Variants in ZSCAN29 observed in about 807,000 individuals in gnomAD.
The protein encoded by ZSCAN29 is zinc finger and SCAN domain containing 29.
Under a neutral mutation model 71.9 loss-of-function variants are expected in ZSCAN29, and 55 were observed. The ratio of observed to expected loss-of-function variants is 0.76; its 90% confidence interval spans 0.62 to 0.96. ZSCAN29 has a LOEUF of 0.96. ZSCAN29 is among the 40% of genes least tolerant of loss of function. The pLI, the probability that ZSCAN29 is intolerant of heterozygous loss-of-function variation, is 0.00. For missense variants in ZSCAN29, 1,042 were observed against 1,042.2 expected, an observed-to-expected ratio of 1.00 and a Z score of 0.00; for synonymous variants, 351 against 371.6, an observed-to-expected ratio of 0.94 and a Z score of 0.64.
At position 43,361,585 on chromosome 15, in the gene ZSCAN29, A is replaced by T. The variant is rs571452426; in HGVS notation, c.2047T>A (p.Cys683Ser). 10 of 1,614,182 alleles carry T rather than the reference A, an allele frequency of 6.2e-6. No homozygotes were observed. In the South Asian group the frequency reaches 1.1e-4, roughly 18 times the overall value. ...QVENPYKCAD[C>S]GKSFSRSARL... ...GCACTCCGACTGAAGCTTTTCCCAC[A>T]ATCAGCACATTTATATGGATTTTCC... Residue 683 changes from cysteine to serine, a missense_variant, in exon 6 of 6, where the codon TGT becomes AGT. Transcript: ENST00000684362.
In ZSCAN29 at chr15:43,369,144, T is replaced by C; in HGVS notation, c.319-17A>G. On this transcript the variant is annotated splice_polypyrimidine_tract_variant and intron_variant, in intron 2 of 5. Transcript: ENST00000684362. ...GACTGTGACCTAGAAACAACCCCCG[T>C]TAATTGTCACTGCAAGATCATAATG... 2 of 1,535,416 alleles carry C rather than the reference T, an allele frequency of 1.3e-6. No homozygotes were observed. Among genetic ancestry groups the C allele is most frequent in the Non-Finnish European group, 1.8e-6 (2 of 1,138,090 alleles).
In ZSCAN29 at chr15:43,361,291, G is replaced by T; in HGVS notation, c.2341C>A (p.Arg781=). The change falls in exon 6 of 6, where the codon CGG becomes AGG. Residue 781 remains arginine, a synonymous_variant. Transcript: ENST00000684362. The part of the protein sequence containing the change: ...FNNSSHFSAH[R]RIHTGERPHV... The stretch of plus-strand genomic sequence containing the variant: ...GGTCTCTCTCCTGTGTGTATCCTCC[G>T]ATGTGCACTAAAATGAGAACTGTTA... 2.5e-6 allele frequency: 4 copies of T among 1,614,012 alleles called. No homozygotes were observed. The highest frequency in any genetic ancestry group is 2.5e-6 in the Non-Finnish European group (3 of 1,179,998).
chr15:43,363,917 C>T lies in ZSCAN29; in HGVS notation c.1688G>A (p.Arg563His), dbSNP rs755923103. 8 of 1,587,538 alleles carry T rather than the reference C, an allele frequency of 5.0e-6. No individual in the cohort carries two copies. The highest frequency in any genetic ancestry group is 2.3e-5 in the East Asian group (1 of 44,414). ...TRAPVLFQSP[R>H]GFEAGFENED... ...CCATAATAGTGAAATAATCTTACCA[C>T]GGGGGCTTTGGAATAACACTGGAGC... The change falls in exon 5 of 6, where the codon CGT becomes CAT. Residue 563 changes from arginine (R) to histidine (H), a missense_variant and splice_region_variant. By Grantham distance (29) the Arg-to-His change is conservative. Coordinates refer to ENST00000684362, the MANE Select transcript of ZSCAN29 (RefSeq NM_001372080.1).
chr15:43,369,331 G>C (rs2044072483), intron 2 of ZSCAN29: 2 of 596,694 alleles, frequency 3.4e-6, no homozygotes, highest in Non-Finnish European at 5.5e-6. Flanking sequence ...GATCAAAATA[G>C]TAAACCCACC....
rs201902651 is a variant in ZSCAN29 at position 43,364,081 on chromosome 15, C to G, written c.1524G>C (p.Glu508Asp). 20 of 1,614,192 alleles carry G rather than the reference C, an allele frequency of 1.2e-5. No individual in the cohort carries two copies. The highest frequency in any genetic ancestry group is 1.7e-5 in the Non-Finnish European group (20 of 1,180,048). The change falls in exon 5 of 6, where the codon GAG becomes GAC. Residue 508 changes from glutamate to aspartate, a missense_variant. Coordinates refer to ENST00000684362, the MANE Select transcript of ZSCAN29 (RefSeq NM_001372080.1). Reference sequence around the variant, plus strand: ...TCCCCTGGACGGGGCAAGAAGCAGTCTCTTCCTGGCCATCATTGGGTGGGG... The same window carrying G: ...TCCCCTGGACGGGGCAAGAAGCAGTGTCTTCCTGGCCATCATTGGGTGGGG... Reference protein sequence around the residue: ...VAAPPNDGQEETASCPVQGTS... With the variant: ...VAAPPNDGQEDTASCPVQGTS...
intron 5 of ZSCAN29, 89 bp from the exon 6 acceptor site, chr15:43,362,030 C>T: frequency 7.4e-7 from 1 of 1,356,310 alleles, no homozygotes; most frequent in Non-Finnish European, 9.9e-7. Flanking sequence ...AAGCATTACA[C>T]CACATGATTA....
intron 4 of ZSCAN29, among the ~76,000 whole-genome samples, 174 bp downstream of exon 4, chr15:43,365,936 T>A (rs2044031482): frequency 6.6e-6 from 1 of 152,202 alleles, no homozygotes; most frequent in Non-Finnish European, 1.5e-5. Flanking sequence ...GTATTCCCAA[T>A]TATCTCACTG....
chr15:43,370,004 T>G lies in ZSCAN29; in HGVS notation c.-91A>C, dbSNP rs921372119. On this transcript the variant is annotated 5_prime_UTR_variant, in exon 2 of 6. Coordinates refer to ENST00000684362, the MANE Select transcript of ZSCAN29 (RefSeq NM_001372080.1). ...ATGTCCTTGGAGAATCCCCTGCAGA[T>G]GACTGTAAGAGGTGTTTCTTCCTAG... 30 of 1,307,446 alleles carry G rather than the reference T, an allele frequency of 2.3e-5. No homozygotes were observed. The highest frequency in any genetic ancestry group is 2.9e-5 in the African/African-American group (2 of 68,034). 81.0% of individuals were successfully genotyped at this position (1,307,446 alleles called of 1,614,324 possible).
chr15:43,368,525 C>CAAAA (rs759913932), intron 3 of ZSCAN29, among the ~76,000 whole-genome samples: 234 of 10,288 alleles, frequency 0.023, 7 homozygotes, highest in Admixed American at 0.029. Context: ...GACTCCGTCT[C>CAAAA]AAAAAAAAAA....
intron 1 of ZSCAN29, 56 bp from the exon 2 acceptor site, chr15:43,370,081 T>C: frequency 9.7e-6 from 7 of 720,868 alleles, no homozygotes; most frequent in South Asian, 2.1e-5. Context: ...GTCTAAAGTC[T>C]TGCCAGAGCT....
chr15:43,361,590 G>A lies in ZSCAN29; in HGVS notation c.2042C>T (p.Ala681Val). 2 of 1,614,204 alleles carry A rather than the reference G, an allele frequency of 1.2e-6. No homozygotes were observed. Among genetic ancestry groups the A allele is most frequent in the Non-Finnish European group, 1.7e-6 (2 of 1,180,034 alleles). ...SHQVENPYKC[A>V]DCGKSFSRSA... ...CCGACTGAAGCTTTTCCCACAATCA[G>A]CACATTTATATGGATTTTCCACCTG... is the stretch of plus-strand genomic sequence containing the variant. Residue 681 changes from alanine (A) to valine (V), a missense_variant, in exon 6 of 6, where the codon GCT (alanine) becomes GTT (valine). Physicochemically the swap from Ala to Val is moderately conservative, Grantham distance 64. Coordinates refer to ENST00000684362, the MANE Select transcript of ZSCAN29 (RefSeq NM_001372080.1).
chr15:43,368,785 G>C, intron 3 of ZSCAN29, 138 bp downstream of exon 3: 2 of 729,100 alleles, frequency 2.7e-6, no homozygotes, highest in Non-Finnish European at 4.5e-6. Flanking sequence ...ATGAATACCA[G>C]AGGCTAAACT....
rs577733957 is a variant in ZSCAN29 at position 43,361,182 on chromosome 15, G to A, written c.2450C>T (p.Pro817Leu). Residue 817 changes from proline (P) to leucine (L), a missense_variant, in exon 6 of 6, where the codon CCC becomes CTC. Physicochemically the swap from Pro to Leu is moderately conservative, Grantham distance 98. Transcript: ENST00000684362. ...AHHRTHTGEK[P>L]YGCHDCGKCF... The stretch of plus-strand genomic sequence containing the variant: ...CTTACCACAGTCATGACACCCATAG[G>A]GTTTCTCTCCTGTGTGGGTTCTATG... The A allele has an allele frequency of 3.1e-6, 5 of 1,614,184 alleles. No homozygotes were observed. In the South Asian group the frequency reaches 5.5e-5, roughly 18 times the overall value.
In ZSCAN29 at chr15:43,366,136, G is replaced by A; in HGVS notation, c.1196C>T (p.Ala399Val). ...ACCTGGGCTTCTGAACACAACAGGT[G>A]CAGCTGAGTTGGGGTCCTGGGGGGT... ...EATPQDPNSA[A>V]PVVFRSPGGV... The change falls in exon 4 of 6, where the codon GCA (alanine) becomes GTA (valine). Residue 399 changes from alanine (A) to valine (V), a missense_variant. Ala to Val is a moderately conservative substitution (Grantham distance 64). Coordinates refer to ENST00000684362, the MANE Select transcript of ZSCAN29 (RefSeq NM_001372080.1). 6.2e-7 allele frequency: 1 copy of A among 1,613,058 alleles called. No homozygotes were observed. The highest frequency in any genetic ancestry group is 8.5e-7 in the Non-Finnish European group (1 of 1,179,584).
intron 4 of ZSCAN29, among the ~76,000 whole-genome samples, chr15:43,365,835 G>GA (rs142219416): frequency 2.0e-5 from 3 of 152,108 alleles, no homozygotes; most frequent in African/African-American, 7.2e-5. Context: ...TAAAATCAGG[G>GA]AAAAAAATAG....
Position 43,364,059 on chromosome 15 carries a change from C to T in ZSCAN29, c.1546G>A (p.Gly516Arg), listed in dbSNP as rs769098912. The change falls in exon 5 of 6, where the codon GGG (glycine) becomes AGG (arginine). Residue 516 changes from glycine (G) to arginine (R), a missense_variant. Gly to Arg is a moderately radical substitution (Grantham distance 125, BLOSUM62 -2). Coordinates refer to ENST00000684362, the MANE Select transcript of ZSCAN29 (RefSeq NM_001372080.1). ...TTCTGAGCTTCAGCCTCACTGGTCC[C>T]CTGGACGGGGCAAGAAGCAGTCTCT... Reference protein sequence around the residue: ...QEETASCPVQGTSEAEAQKQA... With the variant: ...QEETASCPVQRTSEAEAQKQA... 6.2e-7 allele frequency: 1 copy of T among 1,614,192 alleles called. No homozygotes were observed. Among genetic ancestry groups the T allele is most frequent in the Admixed American group, 1.7e-5 (1 of 60,020 alleles).
intron 5 of ZSCAN29, among the ~76,000 whole-genome samples, chr15:43,362,523 T>G (rs1428639637): frequency 6.6e-6 from 1 of 152,230 alleles, no homozygotes. Flanking sequence ...CTGGCTTTTT[T>G]GGGCCTAGGC....
rs2044098283 is a variant in ZSCAN29 at position 43,370,782 on chromosome 15, C to T, written c.-337G>A. 1 of 153,358 alleles carries T rather than the reference C, an allele frequency of 6.5e-6. No individual in the cohort carries two copies. The highest frequency in any genetic ancestry group is 2.0e-4 in the South Asian group (1 of 4,960). 9.5% of individuals were successfully genotyped at this position (153,358 alleles called of 1,614,324 possible). ...AGCAGCGGCTGCGGGATTCTGGCCT[C>T]TTTTGTCTCCGCTCCCTCCGGCCGG... On this transcript the variant is annotated 5_prime_UTR_variant, in exon 1 of 6. Transcript: ENST00000684362.
chr15:43,361,226 A>G lies in ZSCAN29; in HGVS notation c.2406T>C (p.Ser802=). The G allele has an allele frequency of 6.2e-7, 1 of 1,613,794 alleles. No homozygotes were observed. Among genetic ancestry groups the G allele is most frequent in the Non-Finnish European group, 8.5e-7 (1 of 1,179,948 alleles). The change falls in exon 6 of 6, where the codon AGT becomes AGC. Residue 802 remains serine, a synonymous_variant. Coordinates refer to ENST00000684362, the MANE Select transcript of ZSCAN29 (RefSeq NM_001372080.1). ...CPDCGKSFSK[S]SDLRAHHRTH... ...TTCTATGATGTGCACGTAAGTCAGA[A>G]CTCTTACTGAAACTCTTTCCACAGT... is the stretch of plus-strand genomic sequence containing the variant.
Sources: allele counts gnomAD v4.1 joint callset (sites outside exome capture counted in the v4.1 genomes callset), GRCh38; gene constraint gnomAD v4.1.1; transcripts MANE v1.5; gene names NCBI Gene and HGNC (gene_info 2026-07-23, HGNC 2026-07-21).